The following DENND1A variants were observed in gnomAD, a reference collection of about 807,000 sequenced individuals.
DENND1A encodes DENN domain-containing protein 1A.
DENND1A carries 51 observed loss-of-function variants against 113.7 expected under a neutral mutation model. The observed-to-expected ratio is 0.45, with a 90% CI of 0.36 to 0.57. The LOEUF (loss-of-function observed/expected upper bound fraction) is 0.57. Ranked by LOEUF, DENND1A falls within the 20% of genes least tolerant of loss-of-function variation. DENND1A has a pLI of 0.00. For missense variants in DENND1A, 1,258 were observed against 1,395.9 expected (o/e 0.90, Z 1.57); for synonymous variants, 565 against 570.8 (o/e 0.99, Z 0.14).
chr9:123,441,711 A>G (rs879319773), intron 18 of DENND1A, among the ~76,000 whole-genome samples: 1 of 152,260 alleles, frequency 6.6e-6, no homozygotes, highest in Non-Finnish European at 1.5e-5. Context: ...GAATACATGT[A>G]CAAATAAATA....
chr9:123,442,999 C>T (rs190675057), intron 18 of DENND1A, among the ~76,000 whole-genome samples: 15 of 152,276 alleles, frequency 9.9e-5, no homozygotes, highest in East Asian at 1.9e-4. Context: ...CCTGTGTGGA[C>T]GGCCTACCCC....
intron 1 of DENND1A, among the ~76,000 whole-genome samples, chr9:123,887,749 G>A (rs551557112): frequency 6.6e-6 from 1 of 152,158 alleles, no homozygotes; most frequent in East Asian, 1.9e-4. Flanking sequence ...GCAAGGTGAA[G>A]AAGGAGGCGA....
chr9:123,548,536 C>T (rs1564696370), intron 13 of DENND1A, among the ~76,000 whole-genome samples: 1 of 152,186 alleles, frequency 6.6e-6, no homozygotes, highest in Non-Finnish European at 1.5e-5. Context: ...CGTAGAATTA[C>T]CAGATGACCC....
At chr9:123,394,095 G>A (rs1239765013) in intron 21 of DENND1A, among the ~76,000 whole-genome samples, 2 of 151,994 alleles carry the variant, frequency 1.3e-5, no homozygotes, top group African/African-American at 2.4e-5. Context: ...GTGTTCAAGC[G>A]ATTCTCCTGC....
At chr9:123,738,443 CTGTGTGTGTGTGTGTGTG>C (rs59851560) in intron 5 of DENND1A, among the ~76,000 whole-genome samples, 2 of 143,328 alleles carry the variant, frequency 1.4e-5, no homozygotes, top group African/African-American at 2.6e-5. Context: ...TCAACAGCTT[CTGTGTGTGTGTGTGTGTG>C]TGTGTGTGTG....
chr9:123,769,607 G>T, intron 3 of DENND1A, 44 bp from the exon 4 acceptor site: 1 of 1,541,946 alleles, frequency 6.5e-7, no homozygotes, highest in Non-Finnish European at 8.8e-7. Flanking sequence ...AATGGGACCA[G>T]TAAATCTAAC....
chr9:123,861,852 A>C (rs1193366261), intron 2 of DENND1A, among the ~76,000 whole-genome samples: 1 of 152,218 alleles, frequency 6.6e-6, no homozygotes, highest in Non-Finnish European at 1.5e-5. Context: ...TAGGAGCAGC[A>C]AGACATTGAC....
chr9:123,732,824 T>G (rs955180812), intron 5 of DENND1A, among the ~76,000 whole-genome samples: 8 of 152,258 alleles, frequency 5.3e-5, no homozygotes, highest in Non-Finnish European at 1.0e-4. Context: ...TGTATCACTT[T>G]TGGCAAGTTA....
Position 123,927,835 on chromosome 9 carries a change from C to T in DENND1A, c.17+2054G>A, listed in dbSNP as rs865951724. On this transcript the variant is annotated intron_variant, in intron 1 of 23. Transcript: ENST00000394215. Reference sequence around the variant, plus strand: ...TTGAATGCCCTGCCAGGAGGGAAAGCCAGCCAGTAGTAACCAAAGCTCTGT... The same window carrying T: ...TTGAATGCCCTGCCAGGAGGGAAAGTCAGCCAGTAGTAACCAAAGCTCTGT... Among the ~76,000 whole-genome samples, 22 of 152,174 alleles carry T rather than the reference C, an allele frequency of 1.4e-4. 1 individual carries two copies. The highest frequency in any genetic ancestry group is 5.1e-4 in the African/African-American group (21 of 41,442).
chr9:123,794,467 T>C (rs1427357936), intron 2 of DENND1A, among the ~76,000 whole-genome samples: 1 of 152,212 alleles, frequency 6.6e-6, no homozygotes, highest in Non-Finnish European at 1.5e-5. Context: ...AATTGACATG[T>C]GGTTTAACAC....
At chr9:123,384,784 T>C (rs7872342) in intron 22 of DENND1A, among the ~76,000 whole-genome samples, 3,190 of 151,984 alleles carry the variant, frequency 0.021, 61 homozygotes, top group African/African-American at 0.045. Context: ...CCTGTCTCTA[T>C]TAAAAACACA....
intron 5 of DENND1A, among the ~76,000 whole-genome samples, chr9:123,709,900 C>T (rs746031550): frequency 4.6e-5 from 7 of 152,116 alleles, no homozygotes; most frequent in Admixed American, 2.0e-4. Flanking sequence ...AATATTGGTT[C>T]GGCAACCACT....
chr9:123,585,875 C>T (rs1378484423), intron 11 of DENND1A, among the ~76,000 whole-genome samples: 2 of 152,200 alleles, frequency 1.3e-5, no homozygotes, highest in East Asian at 1.9e-4. Flanking sequence ...CCTAGGGCTG[C>T]TGTGATGAGA....
chr9:123,858,955 C>A (rs994877905), intron 2 of DENND1A, among the ~76,000 whole-genome samples: 4 of 152,088 alleles, frequency 2.6e-5, no homozygotes, highest in Non-Finnish European at 5.9e-5. Context: ...CCAAAAAAAT[C>A]CATACAAAAA....
chr9:123,428,138 T>C (rs955843784), intron 19 of DENND1A, among the ~76,000 whole-genome samples: 17 of 147,056 alleles, frequency 1.2e-4, no homozygotes, highest in African/African-American at 4.0e-4. Context: ...ACCCTGTCTC[T>C]ACAAAAAATA....
At chr9:123,891,798 A>G (rs1261742932) in intron 1 of DENND1A, among the ~76,000 whole-genome samples, 1 of 152,342 alleles carries the variant, frequency 6.6e-6, no homozygotes, top group South Asian at 2.1e-4. Flanking sequence ...CCAAAATTCC[A>G]TCGATCCATC....
intron 19 of DENND1A, chr9:123,414,390 G>T: frequency 7.0e-7 from 1 of 1,430,418 alleles, no homozygotes. Flanking sequence ...TTCCAGAGAG[G>T]ACTTAAAAAA....
chr9:123,386,649 G>A (rs1233550156), intron 22 of DENND1A, among the ~76,000 whole-genome samples: 1 of 152,222 alleles, frequency 6.6e-6, no homozygotes, highest in Non-Finnish European at 1.5e-5. Context: ...CTCCCAAAGT[G>A]CTGGGATTAC....
At chr9:123,662,544 C>T (rs1408648314) in intron 8 of DENND1A, among the ~76,000 whole-genome samples, 4 of 152,142 alleles carry the variant, frequency 2.6e-5, no homozygotes, top group African/African-American at 7.2e-5. Context: ...GCCTGAATGA[C>T]AGAGCGAGAC....
Sources: gnomAD v4.1 joint callset for allele counts (sites outside exome capture counted in the v4.1 genomes callset) on GRCh38, gnomAD v4.1.1 for gene constraint, MANE v1.5 for transcripts, NCBI Gene and HGNC (gene_info 2026-07-23, HGNC 2026-07-21) for gene names.